Variants in ROBO4 observed in about 807,000 individuals in gnomAD.
ROBO4 encodes roundabout guidance receptor 4.
ROBO4 carries 80 observed loss-of-function variants against 103.3 expected under a neutral mutation model. That is an observed-to-expected ratio of 0.77 (90% CI 0.65 to 0.93). ROBO4 has a LOEUF of 0.93. Among genes scored for constraint, ROBO4 ranks in the 40% least tolerant of loss-of-function variants. ROBO4 has a pLI of 0.00. For synonymous variants in ROBO4, 504 were observed against 529.7 expected (o/e 0.95, Z 0.67); for missense variants, 1,333 against 1,305.3 (o/e 1.02, Z -0.33).
At position 124,891,377 on chromosome 11, in the gene ROBO4, G is replaced by T; in HGVS notation, c.1870C>A (p.Leu624Ile). Residue 624 changes from leucine (L) to isoleucine (I), a missense_variant, in exon 12 of 18, where the codon CTC (leucine) becomes ATC (isoleucine). Transcript: ENST00000306534. ...LSSPCSSSDSLCSRRGLSSPR... is the reference protein window; with the variant it reads ...LSSPCSSSDSICSRRGLSSPR... Reference sequence around the variant, plus strand: ...GAAGAGAGTCCCCTGCGGCTGCAGAGGCTGTCTGAGCTGGAACAGGGGCTG... The same window carrying T: ...GAAGAGAGTCCCCTGCGGCTGCAGATGCTGTCTGAGCTGGAACAGGGGCTG... 6.4e-7 allele frequency: 1 copy of T among 1,558,962 alleles called. No homozygotes were observed. The highest frequency in any genetic ancestry group is 8.7e-7 in the Non-Finnish European group (1 of 1,152,448).
In ROBO4 at chr11:124,893,964, C is replaced by G; in HGVS notation, c.1400G>C (p.Arg467Pro). Residue 467 changes from arginine to proline, a missense_variant, in exon 9 of 18, where the codon CGG (arginine) becomes CCG (proline). Arg to Pro is a moderately radical substitution (Grantham distance 103). Transcript: ENST00000306534. The part of the protein sequence containing the change: ...TLEQLRATLK[R>P]PEVIATCGVA... ...ACCGCAGGTGGCAATGACCTCAGGC[C>G]GCTTCAAGGTAGCCCTCAGCTGCTC... The G allele has an allele frequency of 6.2e-7, 1 of 1,602,622 alleles. No individual in the cohort carries two copies. Among genetic ancestry groups the G allele is most frequent in the Non-Finnish European group, 8.5e-7 (1 of 1,175,688 alleles).
At chr11:124,894,746 TTGC>T (rs1946855289) in intron 7 of ROBO4, among the ~76,000 whole-genome samples, 1 of 152,224 alleles carries the variant, frequency 6.6e-6, no homozygotes, top group African/African-American at 2.4e-5. Flanking sequence ...GAGGCTGATG[TTGC>T]TGCTCTAGAA....
In ROBO4 at chr11:124,895,901, A is replaced by G. The variant is rs149517154; in HGVS notation, c.691T>C (p.Tyr231His). The G allele has an allele frequency of 4.3e-6, 7 of 1,613,828 alleles. No homozygotes were observed. The highest frequency in any genetic ancestry group is 1.7e-4 in the Middle Eastern group (1 of 5,918). ...ARVSIQEPQDYTEPVELLAVR... is the reference protein window; with the variant it reads ...ARVSIQEPQDHTEPVELLAVR... ...GCCAGAAGCTCCACAGGCTCCGTGT[A>G]GTCCTGGGGCTCTGTGGGGAGGATA... Residue 231 changes from tyrosine (Y) to histidine (H), a missense_variant, in exon 5 of 18, where the codon TAC becomes CAC. Tyr to His is a moderately conservative substitution (Grantham distance 83). Transcript: ENST00000306534.
In ROBO4 at chr11:124,893,932, G is replaced by T. The variant is rs771258026; in HGVS notation, c.1432C>A (p.Leu478Ile). The T allele has an allele frequency of 6.2e-7, 1 of 1,611,594 alleles. No individual in the cohort carries two copies. Among genetic ancestry groups the T allele is most frequent in the East Asian group, 2.2e-5 (1 of 44,858 alleles). ...PEVIATCGVA[L>I]WLLLLGTAVC... ...GCGGTGCCCAGAAGCAGCAGCCAGAGTGCAACACCGCAGGTGGCAATGACC... is the reference window on the plus strand; with the variant it reads ...GCGGTGCCCAGAAGCAGCAGCCAGATTGCAACACCGCAGGTGGCAATGACC... The change falls in exon 9 of 18, where the codon CTC becomes ATC. Residue 478 changes from leucine (L) to isoleucine (I), a missense_variant. Transcript: ENST00000306534.
Position 124,887,019 on chromosome 11 carries a change from A to G in ROBO4, c.2393T>C (p.Val798Ala), listed in dbSNP as rs772460647. The G allele has an allele frequency of 1.4e-5, 22 of 1,613,716 alleles. No homozygotes were observed. The highest frequency in any genetic ancestry group is 1.7e-5 in the Non-Finnish European group (20 of 1,179,806). Residue 798 changes from valine (V) to alanine (A), a missense_variant, in exon 15 of 18, where the codon GTA becomes GCA. Transcript: ENST00000306534. ...DQDSVLTPEE[V>A]ALCLELSEGE... ...CTCACTGAGTTCCAAGCACAGGGCT[A>G]CCTCCTCAGGGGTCAGCACGCTGTC...
Position 124,886,491 on chromosome 11 carries a change from G to T in ROBO4, c.2767C>A (p.Pro923Thr), listed in dbSNP as rs1400135979. ...AVDSFGFGLEPREADCVFIDA... is the reference protein window; with the variant it reads ...AVDSFGFGLETREADCVFIDA... Reference sequence around the variant, plus strand: ...ATGAAGACGCAGTCTGCCTCCCTGGGCTCTAGACCGAAACCAAAGCTATCC... The same window carrying T: ...ATGAAGACGCAGTCTGCCTCCCTGGTCTCTAGACCGAAACCAAAGCTATCC... Residue 923 changes from proline to threonine, a missense_variant, in exon 16 of 18, where the codon CCC becomes ACC. Pro to Thr is a conservative substitution (Grantham distance 38). Transcript: ENST00000306534. 1 of 1,614,104 alleles carries T rather than the reference G, an allele frequency of 6.2e-7. No homozygotes were observed. The highest frequency in any genetic ancestry group is 8.5e-7 in the Non-Finnish European group (1 of 1,179,956).
At chr11:124,895,970 G>C in intron 4 of ROBO4, 58 bp from the exon 5 acceptor site, 16 of 1,602,648 alleles carry the variant, frequency 1.0e-5, no homozygotes, top group Non-Finnish European at 1.3e-5. Context: ...GAACTGAGGC[G>C]TGGAACATCC....
At chr11:124,890,087 A>C (rs576711015) in intron 12 of ROBO4, among the ~76,000 whole-genome samples, 1 of 152,328 alleles carries the variant, frequency 6.6e-6, no homozygotes, top group African/African-American at 2.4e-5. Flanking sequence ...GGGGCTATCC[A>C]TTCCATTAAA....
Position 124,891,367 on chromosome 11 carries a change from C to A in ROBO4, c.1880G>T (p.Arg627Leu), listed in dbSNP as rs774678606. The part of the protein sequence containing the change: ...PCSSSDSLCS[R>L]RGLSSPRLSL... ...CAAGCGGGGAGAAGAGAGTCCCCTG[C>A]GGCTGCAGAGGCTGTCTGAGCTGGA... Residue 627 changes from arginine (R) to leucine (L), a missense_variant, in exon 12 of 18, where the codon CGC (arginine) becomes CTC (leucine). Transcript: ENST00000306534. 3 of 1,550,568 alleles carry A rather than the reference C, an allele frequency of 1.9e-6. No homozygotes were observed. The highest frequency in any genetic ancestry group is 2.6e-6 in the Non-Finnish European group (3 of 1,149,208).
At chr11:124,895,000 C>T in intron 7 of ROBO4, 81 bp downstream of exon 7, 1 of 1,098,126 alleles carries the variant, frequency 9.1e-7, no homozygotes. Flanking sequence ...TCTCAGTGCC[C>T]AGAGCAAGGG....
rs1256417836 is a variant in ROBO4 at position 124,886,974 on chromosome 11, C to T, written c.2435+3G>A. 1.9e-6 allele frequency: 3 copies of T among 1,603,494 alleles called. No homozygotes were observed. Among genetic ancestry groups the T allele is most frequent in the Admixed American group, 3.4e-5 (2 of 59,224 alleles). ...TTCTTTGGTTATCTCTCAAGCTACT[C>T]ACCTGGGAGTCTCCTCACCCTCACT... On this transcript the variant is annotated splice_donor_region_variant and intron_variant, in intron 15 of 17. Coordinates refer to ENST00000306534, the MANE Select transcript of ROBO4 (RefSeq NM_019055.6).
chr11:124,884,300 C>A lies in ROBO4; in HGVS notation c.*591G>T, dbSNP rs1316515993. ...GAGGATGGTGCTTTTGACCTACGGTCTCATACCTCCCTTCCTTCAGCATCC... is the reference window on the plus strand; with the variant it reads ...GAGGATGGTGCTTTTGACCTACGGTATCATACCTCCCTTCCTTCAGCATCC... On this transcript the variant is annotated 3_prime_UTR_variant, in exon 18 of 18. Transcript: ENST00000306534. The A allele has an allele frequency of 6.5e-6, 1 of 154,216 alleles. No individual in the cohort carries two copies. 9.6% of individuals were successfully genotyped at this position (154,216 alleles called of 1,614,324 possible).
intron 6 of ROBO4, 79 bp downstream of exon 6, chr11:124,895,378 A>G (rs1227689346): frequency 2.2e-6 from 3 of 1,390,436 alleles, no homozygotes; most frequent in East Asian, 4.6e-5. Flanking sequence ...TCAAGACTGA[A>G]GCAGAACAGT....
intron 7 of ROBO4, 69 bp from the exon 8 acceptor site, chr11:124,894,438 A>G: frequency 6.7e-7 from 1 of 1,489,478 alleles, no homozygotes; most frequent in Non-Finnish European, 9.1e-7. Flanking sequence ...TTATCTGCAG[A>G]TCAGACTCCA....
intron 16 of ROBO4, 119 bp from the exon 17 acceptor site, chr11:124,885,366 C>T: frequency 2.8e-6 from 2 of 721,536 alleles, no homozygotes; most frequent in Non-Finnish European, 4.6e-6. Flanking sequence ...ATAACCTAAC[C>T]CCAACTCAGC....
Position 124,887,479 on chromosome 11 carries a change from C to T in ROBO4, c.2077G>A (p.Val693Ile). The change falls in exon 14 of 18, where the codon GTT (valine) becomes ATT (isoleucine). Residue 693 changes from valine (V) to isoleucine (I), a missense_variant. Physicochemically the swap from Val to Ile is conservative, Grantham distance 29. Coordinates refer to ENST00000306534, the MANE Select transcript of ROBO4 (RefSeq NM_019055.6). ...QSPGAVPQAL[V>I]AWRALGPKLL... ...TTCGGTCCCAGGGCCCGCCAGGCAACCAGAGCTTGGGGCACAGCTCCTGGG... is the reference window on the plus strand; with the variant it reads ...TTCGGTCCCAGGGCCCGCCAGGCAATCAGAGCTTGGGGCACAGCTCCTGGG... The T allele has an allele frequency of 6.2e-7, 1 of 1,613,898 alleles. No homozygotes were observed. The highest frequency in any genetic ancestry group is 1.7e-5 in the Admixed American group (1 of 60,008).
chr11:124,886,494 C>G lies in ROBO4; in HGVS notation c.2764G>C (p.Glu922Gln). The change falls in exon 16 of 18, where the codon GAG becomes CAG. Residue 922 changes from glutamate to glutamine, a missense_variant. Physicochemically the swap from Glu to Gln is conservative, Grantham distance 29. Coordinates refer to ENST00000306534, the MANE Select transcript of ROBO4 (RefSeq NM_019055.6). Reference protein sequence around the residue: ...VAVDSFGFGLEPREADCVFID... With the variant: ...VAVDSFGFGLQPREADCVFID... ...AAGACGCAGTCTGCCTCCCTGGGCT[C>G]TAGACCGAAACCAAAGCTATCCACA... The G allele has an allele frequency of 6.2e-7, 1 of 1,614,154 alleles. No homozygotes were observed. Among genetic ancestry groups the G allele is most frequent in the South Asian group, 1.1e-5 (1 of 91,082 alleles).
rs376789383 is a variant in ROBO4, at chr11:124,884,985, T to C, written c.3001+56A>G. 8.2e-5 allele frequency: 132 copies of C among 1,613,584 alleles called. No individual in the cohort carries two copies. In the Middle Eastern group the frequency reaches 1.6e-3, roughly 20 times the overall value. On this transcript the variant is annotated intron_variant, in intron 17 of 17. Coordinates refer to ENST00000306534, the MANE Select transcript of ROBO4 (RefSeq NM_019055.6). Reference sequence around the variant, plus strand: ...CAGTGCCAGGCTTCCTCCTGGCTTCTTCCCAGAGGCCCTCTGGTCAAGATG... The same window carrying C: ...CAGTGCCAGGCTTCCTCCTGGCTTCCTCCCAGAGGCCCTCTGGTCAAGATG...
At chr11:124,896,761 C>T in intron 2 of ROBO4, 91 bp from the exon 3 acceptor site, 2 of 1,522,712 alleles carry the variant, frequency 1.3e-6, no homozygotes, top group Non-Finnish European at 1.8e-6. Flanking sequence ...TGCCCACCTT[C>T]CTGGCCTCCC....
Sources: allele counts gnomAD v4.1 joint callset (sites outside exome capture counted in the v4.1 genomes callset), GRCh38; gene constraint gnomAD v4.1.1; transcripts MANE v1.5; gene names NCBI Gene and HGNC (gene_info 2026-07-23, HGNC 2026-07-21).